Variants in NFIX observed in about 807,000 individuals in gnomAD.
NFIX encodes nuclear factor 1 X-type.
A neutral mutation model predicts 53.3 loss-of-function variants in NFIX; 2 were observed. The ratio of observed to expected loss-of-function variants is 0.04; its 90% confidence interval spans 0.02 to 0.12. NFIX has a LOEUF of 0.12. NFIX is among the 10% of genes least tolerant of loss of function. The pLI is 1.00. For synonymous variants in NFIX, 244 were observed against 289.0 expected (o/e 0.84, Z 1.58); for missense variants, 310 against 674.5 (o/e 0.46, Z 5.99).
At position 13,073,122 on chromosome 19, in the gene NFIX, C is replaced by A. The variant is rs201515203; in HGVS notation, c.622+13C>A. ...CCACTGCCCAACGGTCAGTGCCCCC[C>A]ACCTGCCCAGCTGCCCTTATCCTTC... On this transcript the variant is annotated intron_variant, in intron 3 of 10. Coordinates refer to ENST00000592199, the MANE Select transcript of NFIX (RefSeq NM_001365902.3). This position sits in a 1 kb window ranked among gnomAD's most constrained non-coding sequence, Gnocchi z 4.5. 4.3e-6 allele frequency: 7 copies of A among 1,613,734 alleles called. No individual in the cohort carries two copies. Among genetic ancestry groups the A allele is most frequent in the African/African-American group, 4.0e-5 (3 of 75,052 alleles).
In NFIX at chr19:13,090,710, G is replaced by A. The variant is rs528951028; in HGVS notation, c.1494+320G>A. On this transcript the variant is annotated intron_variant, in intron 10 of 10. Transcript: ENST00000592199. This position sits in a 1 kb window ranked among gnomAD's most constrained non-coding sequence, Gnocchi z 6.6. ...CAAAGATGGAAGCCTGAGGCCCATC[G>A]GGAGGAGAATAGAGTCTGCCTCACT... Among the ~76,000 whole-genome samples, 75 of 152,312 alleles carry A rather than the reference G, an allele frequency of 4.9e-4. No homozygotes were observed. Among genetic ancestry groups the A allele is most frequent in the Middle Eastern group, 3.4e-3 (1 of 294 alleles).
chr19:13,069,448 C>T (rs771450749), intron 2 of NFIX, among the ~76,000 whole-genome samples: 9 of 152,234 alleles, frequency 5.9e-5, no homozygotes, highest in Non-Finnish European at 1.3e-4. Context: ...CCTGCCCCTC[C>T]ACTGGCCCAT....
At position 13,081,943 on chromosome 19, in the gene NFIX, A is replaced by C; in HGVS notation, c.1254+88A>C. ...CAGGGCTCACAGGGAGAGGGCCCAA[A>C]AGCCAGGAGCCCACCTGGGGCTGGA... On this transcript the variant is annotated intron_variant, in intron 8 of 10. Coordinates refer to ENST00000592199, the MANE Select transcript of NFIX (RefSeq NM_001365902.3). The surrounding 1 kb of genome is among the most constrained non-coding windows in gnomAD (Gnocchi z 4.7). 6.6e-7 allele frequency: 1 copy of C among 1,505,372 alleles called. No individual in the cohort carries two copies. Among genetic ancestry groups the C allele is most frequent in the Non-Finnish European group, 9.0e-7 (1 of 1,105,276 alleles). 93.3% of individuals were successfully genotyped at this position (1,505,372 alleles called of 1,614,324 possible).
chr19:13,078,755 G>T lies in NFIX; in HGVS notation c.1078+20G>T. On this transcript the variant is annotated intron_variant, in intron 7 of 10. Transcript: ENST00000592199. This position sits in a 1 kb window ranked among gnomAD's most constrained non-coding sequence, Gnocchi z 4.7. Reference sequence around the variant, plus strand: ...GACCAGGTGAGAAATGGGGGGCCCCGGAGGGGGGCAGTTGGGGAGGTGGCT... The same window carrying T: ...GACCAGGTGAGAAATGGGGGGCCCCTGAGGGGGGCAGTTGGGGAGGTGGCT... 1.3e-5 allele frequency: 21 copies of T among 1,592,224 alleles called. No homozygotes were observed. The highest frequency in any genetic ancestry group is 1.8e-5 in the Non-Finnish European group (21 of 1,169,064).
At chr19:13,075,470 C>T in intron 5 of NFIX, 65 bp from the exon 6 acceptor site, 2 of 1,575,804 alleles carry the variant, frequency 1.3e-6, no homozygotes, top group Non-Finnish European at 8.7e-7. Flanking sequence ...TTAGCCTGGA[C>T]TCTTGGTCAC....
In NFIX at chr19:13,081,654, T is replaced by G. The variant is rs1012081890; in HGVS notation, c.1079-26T>G. 1 of 1,603,592 alleles carries G rather than the reference T, an allele frequency of 6.2e-7. No homozygotes were observed. Among genetic ancestry groups the G allele is most frequent in the Non-Finnish European group, 8.5e-7 (1 of 1,173,408 alleles). On this transcript the variant is annotated intron_variant, in intron 7 of 10. Transcript: ENST00000592199. The surrounding 1 kb of genome is among the most constrained non-coding windows in gnomAD (Gnocchi z 4.7). Reference sequence around the variant, plus strand: ...GGCTGCCTCCTTGGCCCTGACGCCCTTTTTTCCCTGCCCACGTGCATGCAG... The same window carrying G: ...GGCTGCCTCCTTGGCCCTGACGCCCGTTTTTCCCTGCCCACGTGCATGCAG...
chr19:13,016,627 C>A (rs1486117714), intron 1 of NFIX, among the ~76,000 whole-genome samples: 1 of 146,202 alleles, frequency 6.8e-6, no homozygotes, highest in African/African-American at 2.5e-5. Flanking sequence ...TTCCATGGCT[C>A]TGTTCAAATT....
chr19:13,028,170 G>A lies in NFIX; in HGVS notation c.559+2618G>A, dbSNP rs1016338374. 6.6e-6 allele frequency among the ~76,000 whole-genome samples: 1 copy of A among 152,222 alleles called. No individual in the cohort carries two copies. The highest frequency in any genetic ancestry group is 1.5e-5 in the Non-Finnish European group (1 of 68,024). On this transcript the variant is annotated intron_variant, in intron 2 of 10. Transcript: ENST00000592199. The surrounding 1 kb of genome is among the most constrained non-coding windows in gnomAD (Gnocchi z 4.2). Reference sequence around the variant, plus strand: ...TGTGGCTGAGCCACCAAAGAGCATCGATCTGTGGGCACCACTTTCTCCATG... The same window carrying A: ...TGTGGCTGAGCCACCAAAGAGCATCAATCTGTGGGCACCACTTTCTCCATG...
At chr19:13,076,067 T>G (rs1231711273) in intron 6 of NFIX, among the ~76,000 whole-genome samples, 1 of 152,138 alleles carries the variant, frequency 6.6e-6, no homozygotes, top group East Asian at 1.9e-4. Flanking sequence ...GTTCTGTGCA[T>G]GGCAGGATGT....
intron 2 of NFIX, among the ~76,000 whole-genome samples, chr19:13,032,276 G>A (rs1263696797): frequency 6.6e-6 from 1 of 152,228 alleles, no homozygotes; most frequent in Non-Finnish European, 1.5e-5. Flanking sequence ...GAGGGCTAGT[G>A]TAGGAGTGGA....
rs1436609784 is a variant in NFIX, at chr19:13,013,064, T to A, written c.28-11957T>A. On this transcript the variant is annotated intron_variant, in intron 1 of 10. Transcript: ENST00000592199. This position sits in a 1 kb window ranked among gnomAD's most constrained non-coding sequence, Gnocchi z 5.9. ...GGGCCGCGGGGAGTTGCGCAGACTCTAAAAAAAAAACCTTTAAAAACCCAA... is the reference window on the plus strand; with the variant it reads ...GGGCCGCGGGGAGTTGCGCAGACTCAAAAAAAAAAACCTTTAAAAACCCAA... 2.0e-5 allele frequency among the ~76,000 whole-genome samples: 3 copies of A among 147,752 alleles called. No individual in the cohort carries two copies. Among genetic ancestry groups the A allele is most frequent in the Non-Finnish European group, 4.5e-5 (3 of 66,786 alleles).
intron 1 of NFIX, among the ~76,000 whole-genome samples, chr19:13,018,121 A>T (rs945433799): frequency 6.6e-6 from 1 of 152,218 alleles, no homozygotes; most frequent in Non-Finnish European, 1.5e-5. Context: ...TTCCTTGTAG[A>T]GGATGAGATG....
intron 2 of NFIX, among the ~76,000 whole-genome samples, chr19:13,071,692 G>A (rs1417661857): frequency 6.6e-6 from 1 of 152,220 alleles, no homozygotes; most frequent in Non-Finnish European, 1.5e-5. Flanking sequence ...TGGGGTGGAG[G>A]GGAAGTGGAG....
In NFIX at chr19:13,097,490, C is replaced by T. The variant is rs1452920452; in HGVS notation, c.*2841C>T. On this transcript the variant is annotated 3_prime_UTR_variant, in exon 11 of 11. Transcript: ENST00000592199. ...TTATGAATCAATTAAATATCCTGCA[C>T]TTGTTAGGAATACGCATATCCCTTC... is the stretch of plus-strand genomic sequence containing the variant. 2 of 152,648 alleles carry T rather than the reference C, an allele frequency of 1.3e-5. No individual in the cohort carries two copies. The highest frequency in any genetic ancestry group is 1.9e-4 in the East Asian group (1 of 5,196). 9.5% of individuals were successfully genotyped at this position (152,648 alleles called of 1,614,324 possible).
chr19:13,019,773 A>G (rs8099897), intron 1 of NFIX, among the ~76,000 whole-genome samples: 101 of 149,934 alleles, frequency 6.7e-4, no homozygotes, highest in African/African-American at 2.4e-3. Context: ...ACAATAAAAG[A>G]CAGAGGCTTT....
At position 13,011,153 on chromosome 19, in the gene NFIX, C is replaced by A. The variant is rs2012318169; in HGVS notation, c.28-13868C>A. ...GGAGCAGCCCTCCCCCTCTCCACTGCGGACGGACATCCCACGTTCTTAAAG... is the reference window on the plus strand; with the variant it reads ...GGAGCAGCCCTCCCCCTCTCCACTGAGGACGGACATCCCACGTTCTTAAAG... On this transcript the variant is annotated intron_variant, in intron 1 of 10. Transcript: ENST00000592199. The surrounding 1 kb of genome is among the most constrained non-coding windows in gnomAD (Gnocchi z 6.5). 6.6e-6 allele frequency among the ~76,000 whole-genome samples: 1 copy of A among 152,102 alleles called. No homozygotes were observed.
intron 2 of NFIX, among the ~76,000 whole-genome samples, chr19:13,031,908 C>T (rs1378838523): frequency 6.6e-6 from 1 of 152,178 alleles, no homozygotes; most frequent in Non-Finnish European, 1.5e-5. Flanking sequence ...GTCCCCTTTT[C>T]TGCCTAGGGA....
chr19:13,050,651 A>T (rs866334637), intron 2 of NFIX, among the ~76,000 whole-genome samples: 15 of 152,186 alleles, frequency 9.9e-5, no homozygotes, highest in African/African-American at 3.4e-4. Context: ...CCCTGCAGAC[A>T]TACAAATGAA....
In NFIX at chr19:13,002,967, GA is replaced by G. The variant is rs1307293605; in HGVS notation, c.27+7106del. Reference sequence around the variant, plus strand: ...TGAATCTGTGTGAGCCAAGCTGGAGGAAAGGACAGCATGGAGGTGCACCCGA... The same window carrying G: ...TGAATCTGTGTGAGCCAAGCTGGAGGAAGGACAGCATGGAGGTGCACCCGA... On this transcript the variant is annotated intron_variant, in intron 1 of 10. Transcript: ENST00000592199. This position sits in a 1 kb window ranked among gnomAD's most constrained non-coding sequence, Gnocchi z 6.1. Among the ~76,000 whole-genome samples the G allele has an allele frequency of 6.6e-6, 1 of 152,164 alleles. No homozygotes were observed. The highest frequency in any genetic ancestry group is 1.5e-5 in the Non-Finnish European group (1 of 68,024).
Sources: gnomAD v4.1 joint callset for allele counts (sites outside exome capture counted in the v4.1 genomes callset) on GRCh38, gnomAD v4.1.1 for gene constraint, Gnocchi (gnomAD v3.1) non-coding constraint, MANE v1.5 for transcripts, NCBI Gene and HGNC (gene_info 2026-07-23, HGNC 2026-07-21) for gene names.